ZDHHC15: variants seen among roughly 807,000 people sequenced by gnomAD.
The protein encoded by ZDHHC15 is palmitoyltransferase ZDHHC15.
ZDHHC15 carries 19 observed loss-of-function variants against 31.7 expected under a neutral mutation model. That is an observed-to-expected ratio of 0.60 (90% CI 0.42 to 0.88). ZDHHC15 has a LOEUF of 0.88. Among genes scored for constraint, ZDHHC15 ranks in the 40% least tolerant of loss-of-function variants. ZDHHC15 has a pLI of 0.00. For synonymous variants in ZDHHC15, 103 were observed against 90.0 expected, an observed-to-expected ratio of 1.14 and a Z score of -0.82; for missense variants, 209 against 251.2, an observed-to-expected ratio of 0.83 and a Z score of 1.14.
chrX:75,423,937 A>C (rs2083680417), intron 8 of ZDHHC15, among the ~76,000 whole-genome samples: 1 of 110,811 alleles, frequency 9.0e-6, no homozygotes, highest in Non-Finnish European at 1.9e-5. Context: ...CTTTGTCCTC[A>C]CTCCTCATGT....
At chrX:75,400,431 A>G (rs1253598160) in intron 10 of ZDHHC15, among the ~76,000 whole-genome samples, 1 of 112,137 alleles carries the variant, frequency 8.9e-6, no homozygotes, top group Non-Finnish European at 1.9e-5. Context: ...AAAAATAAAG[A>G]AAAAAGAATA....
At chrX:75,457,992 A>C (rs943626912) in intron 3 of ZDHHC15, among the ~76,000 whole-genome samples, 3 of 111,138 alleles carry the variant, frequency 2.7e-5, no homozygotes, top group African/African-American at 9.8e-5. Flanking sequence ...GTGGGTACTG[A>C]GGAACAACTA....
At position 75,369,042 on chromosome X, in the gene ZDHHC15, C is replaced by A. The variant is rs2082982566; in HGVS notation, c.*3936G>T. The A allele has an allele frequency of 9.0e-6, 1 of 111,675 alleles. No homozygotes were observed. Among genetic ancestry groups the A allele is most frequent in the Non-Finnish European group, 1.9e-5 (1 of 53,144 alleles). 9.2% of individuals were successfully genotyped at this position (111,675 alleles called of 1,213,427 possible). ...CCATACCTCATCAACCAATTCCTAA[C>A]GAGATGGAACTCATTAATTTTCTAA... On this transcript the variant is annotated 3_prime_UTR_variant, in exon 12 of 12. Coordinates refer to ENST00000373367, the MANE Select transcript of ZDHHC15 (RefSeq NM_144969.3).
chrX:75,384,476 G>A, intron 10 of ZDHHC15: 1 of 746,513 alleles, frequency 1.3e-6, no homozygotes, highest in East Asian at 3.2e-5. Context: ...GACATCAAGG[G>A]AATGGGTACT....
chrX:75,517,234 T>A (rs1333106497), intron 1 of ZDHHC15, among the ~76,000 whole-genome samples: 1 of 111,719 alleles, frequency 9.0e-6, no homozygotes, highest in Non-Finnish European at 1.9e-5. Context: ...ATCCCATTAC[T>A]GGGAATATAC....
At chrX:75,494,433 C>G (rs1316713006) in intron 2 of ZDHHC15, among the ~76,000 whole-genome samples, 1 of 111,356 alleles carries the variant, frequency 9.0e-6, no homozygotes, top group Non-Finnish European at 1.9e-5. Context: ...GAAAAAACTA[C>G]TTTAAAGTTC....
chrX:75,412,438 T>C (rs1288842557), intron 10 of ZDHHC15, among the ~76,000 whole-genome samples: 1 of 106,863 alleles, frequency 9.4e-6, no homozygotes, highest in Non-Finnish European at 1.9e-5. Context: ...TTATTATTCT[T>C]TTTTTTTTTT....
intron 5 of ZDHHC15, 32 bp from the exon 6 acceptor site, chrX:75,430,012 T>A: frequency 8.4e-7 from 1 of 1,194,941 alleles, no homozygotes; most frequent in Non-Finnish European, 1.1e-6. Flanking sequence ...GTGTGATAAG[T>A]GAGGCTATGG....
At chrX:75,520,590 G>T (rs2085429198) in intron 1 of ZDHHC15, among the ~76,000 whole-genome samples, 2 of 110,806 alleles carry the variant, frequency 1.8e-5, no homozygotes, top group Admixed American at 9.7e-5. Context: ...TTACAATATG[G>T]CATTGATCCT....
chrX:75,430,862 G>A, intron 5 of ZDHHC15, among the ~76,000 whole-genome samples: 1 of 111,293 alleles, frequency 9.0e-6, no homozygotes, highest in South Asian at 3.8e-4. Context: ...CAATGATGAG[G>A]AAAGCATCAA....
intron 10 of ZDHHC15, among the ~76,000 whole-genome samples, chrX:75,407,904 C>A (rs1406490739): frequency 9.0e-6 from 1 of 111,616 alleles, no homozygotes; most frequent in Non-Finnish European, 1.9e-5. Context: ...TAATCTATAA[C>A]CTTACCCCCA....
intron 11 of ZDHHC15, among the ~76,000 whole-genome samples, chrX:75,376,344 A>G (rs2083060695): frequency 9.4e-6 from 1 of 106,528 alleles, no homozygotes; most frequent in African/African-American, 3.4e-5. Flanking sequence ...ATTTTCTTCC[A>G]TTCTGTAGAT....
In ZDHHC15 at chrX:75,379,253, G is replaced by C. The variant is rs1368998725; in HGVS notation, c.968-55C>G. ...ATGTCCCCGTGCCTTATATGGGTGG[G>C]TATTCATTCACTGGCAGTTTTCCTT... On this transcript the variant is annotated intron_variant, in intron 10 of 11. Coordinates refer to ENST00000373367, the MANE Select transcript of ZDHHC15 (RefSeq NM_144969.3). 2.5e-5 allele frequency: 29 copies of C among 1,158,690 alleles called. No individual in the cohort carries two copies. The Admixed American group carries it at 6.4e-4, about 26-fold the overall frequency.
At chrX:75,444,823 A>C (rs1602636760) in intron 4 of ZDHHC15, among the ~76,000 whole-genome samples, 1 of 107,390 alleles carries the variant, frequency 9.3e-6, no homozygotes, top group Middle Eastern at 4.8e-3. Flanking sequence ...ATTCAGAGGA[A>C]GGGAGAATTT....
chrX:75,384,880 T>C, intron 10 of ZDHHC15: 3 of 506,938 alleles, frequency 5.9e-6, no homozygotes, highest in Non-Finnish European at 1.0e-5. Context: ...AAAAAGATGG[T>C]AAATAATTGA....
At chrX:75,494,058 T>C (rs1229947403) in intron 2 of ZDHHC15, among the ~76,000 whole-genome samples, 1 of 111,772 alleles carries the variant, frequency 8.9e-6, no homozygotes, top group African/African-American at 3.3e-5. Flanking sequence ...CAAAATCTCC[T>C]TAAACTGATA....
chrX:75,486,611 C>A (rs1042710503), intron 2 of ZDHHC15, among the ~76,000 whole-genome samples: 1 of 112,045 alleles, frequency 8.9e-6, no homozygotes, highest in South Asian at 3.7e-4. Flanking sequence ...CCCTGCTCAC[C>A]AGCTGCCTGG....
intron 1 of ZDHHC15, among the ~76,000 whole-genome samples, chrX:75,514,514 T>A (rs969614870): frequency 1.8e-5 from 2 of 111,299 alleles, no homozygotes; most frequent in Non-Finnish European, 3.8e-5. Flanking sequence ...CCAGCTGAGG[T>A]ACGAGGTTCA....
In ZDHHC15 at chrX:75,486,674, C is replaced by A. The variant is rs372736251; in HGVS notation, c.164-7689G>T. Among the ~76,000 whole-genome samples the A allele has an allele frequency of 5.4e-4, 60 of 111,966 alleles. 1 individual carries two copies. Among genetic ancestry groups the A allele is most frequent in the African/African-American group, 1.8e-3 (56 of 30,838 alleles). ...CAAAGCAAGAATGAGATTGGCCTTG[C>A]TGGCTGCATGGATGCTAGGTGAGGC... On this transcript the variant is annotated intron_variant, in intron 2 of 11. Transcript: ENST00000373367.
Sources: gnomAD v4.1 joint callset for allele counts (sites outside exome capture counted in the v4.1 genomes callset) on GRCh38, gnomAD v4.1.1 for gene constraint, MANE v1.5 for transcripts, NCBI Gene and HGNC (gene_info 2026-07-23, HGNC 2026-07-21) for gene names.